The following CYP19A1 variants were observed in gnomAD, a reference collection of about 807,000 sequenced individuals.
CYP19A1 encodes the protein cytochrome P450 family 19 subfamily A member 1.
CYP19A1 carries 32 observed loss-of-function variants against 44.4 expected under a neutral mutation model. The ratio of observed to expected loss-of-function variants is 0.72; its 90% confidence interval spans 0.54 to 0.97. The LOEUF (loss-of-function observed/expected upper bound fraction) is 0.97. Ranked by LOEUF, CYP19A1 falls within the 50% of genes least tolerant of loss-of-function variation. The pLI, the probability that CYP19A1 is intolerant of heterozygous loss-of-function variation, is 0.00. For missense variants in CYP19A1, 598 were observed against 637.8 expected, an observed-to-expected ratio of 0.94 and a Z score of 0.67; for synonymous variants, 212 against 215.6, an observed-to-expected ratio of 0.98 and a Z score of 0.14.
rs915757144 is a variant in CYP19A1, at chr15:51,261,901, A to G, written c.-38-18951T>C. Among the ~76,000 whole-genome samples the G allele has an allele frequency of 3.5e-4, 53 of 152,092 alleles. 1 individual carries two copies. The highest frequency in any genetic ancestry group is 7.2e-4 in the Admixed American group (11 of 15,270). On this transcript the variant is annotated intron_variant, in intron 1 of 9. Transcript: ENST00000396402. Reference sequence around the variant, plus strand: ...CTCACTGCCCACCATCTCTCCCCCAATCAATTGTTATTTCATCTCTGAAAG... The same window carrying G: ...CTCACTGCCCACCATCTCTCCCCCAGTCAATTGTTATTTCATCTCTGAAAG...
chr15:51,217,359 A>T (rs914246160), intron 6 of CYP19A1, among the ~76,000 whole-genome samples: 1 of 152,184 alleles, frequency 6.6e-6, no homozygotes, highest in Non-Finnish European at 1.5e-5. Context: ...TATGTAATGA[A>T]CTCTCCAGAC....
At chr15:51,270,984 C>G (rs2035103704) in intron 1 of CYP19A1, among the ~76,000 whole-genome samples, 1 of 152,162 alleles carries the variant, frequency 6.6e-6, no homozygotes, top group Non-Finnish European at 1.5e-5. Context: ...AAATTGCTTT[C>G]TGAGGGTATC....
At chr15:51,237,109 T>A (rs1228355137) in intron 2 of CYP19A1, 100 bp from the exon 3 acceptor site, 31 of 1,305,604 alleles carry the variant, frequency 2.4e-5, no homozygotes, top group Non-Finnish European at 4.4e-6. Flanking sequence ...CTAAGTGTTC[T>A]TTACATGTGA....
Position 51,210,910 on chromosome 15 carries a change from G to A in CYP19A1, c.1410C>T (p.Ser470=). 1 of 1,600,026 alleles carries A rather than the reference G, an allele frequency of 6.2e-7. No individual in the cohort carries two copies. Among genetic ancestry groups the A allele is most frequent in the Non-Finnish European group, 8.6e-7 (1 of 1,167,184 alleles). The change falls in exon 10 of 10, where the codon AGC becomes AGT. Residue 470 remains serine (S), a synonymous_variant. Coordinates refer to ENST00000396402, the MANE Select transcript of CYP19A1 (RefSeq NM_000103.4). ...AGGACAAGTCGTGTATCTTCTGTATGCTCTCAACACACTGTCCTTGCAATG... is the reference window on the plus strand; with the variant it reads ...AGGACAAGTCGTGTATCTTCTGTATACTCTCAACACACTGTCCTTGCAATG... ...VKTLQGQCVE[S]IQKIHDLSLH...
intron 1 of CYP19A1, among the ~76,000 whole-genome samples, chr15:51,254,863 C>T (rs537157025): frequency 3.9e-5 from 6 of 152,186 alleles, no homozygotes; most frequent in African/African-American, 1.2e-4. Context: ...TTACAACTTG[C>T]GGTTTCCTTT....
intron 1 of CYP19A1, among the ~76,000 whole-genome samples, chr15:51,336,593 G>C (rs1175349525): frequency 3.9e-5 from 6 of 152,158 alleles, no homozygotes; most frequent in Non-Finnish European, 8.8e-5. Context: ...GAATACCCAA[G>C]TGCCAGGCCA....
chr15:51,239,165 T>C lies in CYP19A1; in HGVS notation c.146-2156A>G, dbSNP rs118127497. ...TGGGAATGCTTATCTAGGCATGCAA[T>C]GATGGTGGGAGCCTCTTTCACACCC... On this transcript the variant is annotated intron_variant, in intron 2 of 9. Coordinates refer to ENST00000396402, the MANE Select transcript of CYP19A1 (RefSeq NM_000103.4). 2.4e-3 allele frequency among the ~76,000 whole-genome samples: 370 copies of C among 152,282 alleles called. 8 individuals are homozygous for C. In the East Asian group the frequency reaches 0.055, roughly 23 times the overall value.
chr15:51,301,102 G>C (rs1248205084), intron 1 of CYP19A1, among the ~76,000 whole-genome samples: 4 of 152,180 alleles, frequency 2.6e-5, no homozygotes, highest in Admixed American at 2.6e-4. Flanking sequence ...GAGGTATTTC[G>C]CTGGGGCTTG....
At chr15:51,303,587 G>A (rs1051509313) in intron 1 of CYP19A1, among the ~76,000 whole-genome samples, 1 of 151,928 alleles carries the variant, frequency 6.6e-6, no homozygotes, top group Non-Finnish European at 1.5e-5. Flanking sequence ...CTGAAAGTCA[G>A]TGTCCATCTG....
intron 1 of CYP19A1, among the ~76,000 whole-genome samples, chr15:51,334,448 CTTTGT>C (rs1378090368): frequency 1.3e-5 from 2 of 152,222 alleles, no homozygotes; most frequent in African/African-American, 4.8e-5. Context: ...ACATGTAAGG[CTTTGT>C]TTTATCTTTC....
At chr15:51,214,698 G>A (rs1430444491) in intron 8 of CYP19A1, among the ~76,000 whole-genome samples, 1 of 152,192 alleles carries the variant, frequency 6.6e-6, no homozygotes. Flanking sequence ...CCATAAATAT[G>A]TGTTTGTGGG....
At chr15:51,220,016 A>T (rs534525198) in intron 5 of CYP19A1, among the ~76,000 whole-genome samples, 2 of 152,288 alleles carry the variant, frequency 1.3e-5, no homozygotes, top group African/African-American at 4.8e-5. Context: ...GGAGTAGGGG[A>T]GATGCGGCAA....
chr15:51,261,781 C>A (rs771534072), intron 1 of CYP19A1, among the ~76,000 whole-genome samples: 1 of 152,118 alleles, frequency 6.6e-6, no homozygotes, highest in Non-Finnish European at 1.5e-5. Flanking sequence ...AAGTGTGGGG[C>A]AGGTCCTCCC....
chr15:51,275,143 T>C (rs556192280), intron 1 of CYP19A1, among the ~76,000 whole-genome samples: 107 of 152,156 alleles, frequency 7.0e-4, no homozygotes, highest in African/African-American at 2.6e-3. Flanking sequence ...TTCTCAGAAC[T>C]GTTCACACAG....
intron 3 of CYP19A1, among the ~76,000 whole-genome samples, chr15:51,231,856 T>C (rs1354120019): frequency 1.3e-5 from 2 of 151,858 alleles, no homozygotes; most frequent in Non-Finnish European, 2.9e-5. Flanking sequence ...ATCTCCACAA[T>C]CCCCAACGAC....
intron 1 of CYP19A1, among the ~76,000 whole-genome samples, chr15:51,322,435 A>G (rs2036543653): frequency 6.6e-6 from 1 of 152,242 alleles, no homozygotes; most frequent in African/African-American, 2.4e-5. Flanking sequence ...TATTTAGAGA[A>G]ACAAACTGCT....
At chr15:51,264,484 T>G (rs2034844851) in intron 1 of CYP19A1, among the ~76,000 whole-genome samples, 1 of 146,126 alleles carries the variant, frequency 6.8e-6, no homozygotes, top group Non-Finnish European at 1.5e-5. Context: ...GAGATTTCAG[T>G]CTTTTAGAAG....
chr15:51,316,551 C>T (rs1028662079), intron 1 of CYP19A1, among the ~76,000 whole-genome samples: 1 of 151,972 alleles, frequency 6.6e-6, no homozygotes, highest in Non-Finnish European at 1.5e-5. Context: ...TTGTGAATAT[C>T]TGTTCTCCCA....
intron 1 of CYP19A1, among the ~76,000 whole-genome samples, chr15:51,276,645 T>C (rs1244278379): frequency 5.9e-5 from 9 of 152,212 alleles, no homozygotes; most frequent in Non-Finnish European, 1.2e-4. Flanking sequence ...AGGACAAACC[T>C]ATATGCTTCT....
Sources: allele counts gnomAD v4.1 joint callset (sites outside exome capture counted in the v4.1 genomes callset), GRCh38; gene constraint gnomAD v4.1.1; transcripts MANE v1.5; gene names NCBI Gene and HGNC (gene_info 2026-07-23, HGNC 2026-07-21).